Variants in SLC41A2 observed in about 807,000 individuals in gnomAD.
SLC41A2 encodes the protein solute carrier family 41 member 2.
A neutral mutation model predicts 58.3 loss-of-function variants in SLC41A2; 32 were observed. The observed-to-expected ratio is 0.55, with a 90% CI of 0.41 to 0.74. The LOEUF is 0.74. Ranked by LOEUF, SLC41A2 falls within the 30% of genes least tolerant of loss-of-function variation. The probability of loss-of-function intolerance (pLI) is 0.00; values close to 1 mark genes in which losing one functional copy is unlikely to be tolerated. For synonymous variants in SLC41A2, 190 were observed against 235.0 expected (o/e 0.81, Z 1.75); for missense variants, 514 against 680.6 (o/e 0.76, Z 2.72).
At chr12:104,941,705 C>A (rs1377562806) in intron 1 of SLC41A2, among the ~76,000 whole-genome samples, 3 of 152,182 alleles carry the variant, frequency 2.0e-5, no homozygotes, top group African/African-American at 7.2e-5. Flanking sequence ...TAGATTATAT[C>A]TAGCTCCTAT....
intron 1 of SLC41A2, among the ~76,000 whole-genome samples, chr12:104,930,839 T>C (rs879660649): frequency 1.3e-5 from 2 of 152,212 alleles, no homozygotes; most frequent in Non-Finnish European, 2.9e-5. Context: ...AGATCAGTCA[T>C]CTCGCAGAAT....
In SLC41A2 at chr12:104,857,079, A is replaced by T. The variant is rs538452409; in HGVS notation, c.1255+4212T>A. ...AAAAGTAAAACGTATTTCAAAAAAG[A>T]GTACATAAGTAAAACGTATTTCAAA... On this transcript the variant is annotated intron_variant, in intron 8 of 10. Coordinates refer to ENST00000258538, the MANE Select transcript of SLC41A2 (RefSeq NM_001352171.3). 5.3e-5 allele frequency among the ~76,000 whole-genome samples: 8 copies of T among 152,212 alleles called. No homozygotes were observed. The East Asian group carries it at 1.4e-3, about 26-fold the overall frequency.
At chr12:104,953,542 T>A (rs1187521729) in intron 1 of SLC41A2, among the ~76,000 whole-genome samples, 1 of 152,234 alleles carries the variant, frequency 6.6e-6, no homozygotes, top group Non-Finnish European at 1.5e-5. Flanking sequence ...TTTCTTGGAC[T>A]TGCTGTGCCC....
intron 8 of SLC41A2, among the ~76,000 whole-genome samples, chr12:104,848,917 C>T (rs1448586261): frequency 6.6e-6 from 1 of 152,026 alleles, no homozygotes; most frequent in African/African-American, 2.4e-5. Flanking sequence ...CACACACACA[C>T]ACACACCAAA....
chr12:104,912,183 G>T (rs1484364495), intron 2 of SLC41A2, among the ~76,000 whole-genome samples: 2 of 152,058 alleles, frequency 1.3e-5, no homozygotes, highest in Non-Finnish European at 2.9e-5. Flanking sequence ...GCATATATTT[G>T]GTCTTCAACC....
chr12:104,958,006 T>A (rs1159988286), intron 1 of SLC41A2, 82 bp downstream of exon 1: 1 of 151,406 alleles, frequency 6.6e-6, no homozygotes, highest in Non-Finnish European at 1.5e-5. Flanking sequence ...AGCCCAGGCC[T>A]CTCGGCCCCA....
intron 8 of SLC41A2, among the ~76,000 whole-genome samples, chr12:104,855,606 T>C (rs1414294667): frequency 6.6e-6 from 1 of 152,194 alleles, no homozygotes; most frequent in Non-Finnish European, 1.5e-5. Flanking sequence ...TGTACTTTCA[T>C]TTATCTAGTC....
chr12:104,810,552 A>C (rs1450898760), intron 10 of SLC41A2, among the ~76,000 whole-genome samples: 1 of 152,190 alleles, frequency 6.6e-6, no homozygotes, highest in Non-Finnish European at 1.5e-5. Flanking sequence ...AAGGTTGGCA[A>C]ACTACAGCCC....
intron 8 of SLC41A2, among the ~76,000 whole-genome samples, chr12:104,851,312 A>C (rs904683878): frequency 1.3e-5 from 2 of 152,154 alleles, no homozygotes; most frequent in Admixed American, 1.3e-4. Flanking sequence ...CAATTCACAG[A>C]CTATTTTGTT....
rs1163631331 is a variant in SLC41A2, at chr12:104,886,415, A to G, written c.905T>C (p.Val302Ala). The change falls in exon 6 of 11, where the codon GTT becomes GCT. Residue 302 changes from valine (V) to alanine (A), a missense_variant. Around this residue, in one of 3 missense-constraint regions of SLC41A2, gnomAD observed 336 missense variants for 430.0 expected, o/e 0.78. Transcript: ENST00000258538. The stretch of plus-strand genomic sequence containing the variant: ...ATTTATACCAGTCTTCTTTGAACCA[A>G]CGATAACCCCAACCATTATTATTCC... ...LQGIIMVGVI[V>A]GSKKTGINPD... 3 of 1,613,406 alleles carry G rather than the reference A, an allele frequency of 1.9e-6. No homozygotes were observed. The highest frequency in any genetic ancestry group is 2.5e-6 in the Non-Finnish European group (3 of 1,179,454).
chr12:104,940,666 C>T (rs1167960804), intron 1 of SLC41A2, among the ~76,000 whole-genome samples: 1 of 151,172 alleles, frequency 6.6e-6, no homozygotes, highest in East Asian at 1.9e-4. Context: ...ACCTATAATC[C>T]CAGCACTTTG....
intron 1 of SLC41A2, among the ~76,000 whole-genome samples, chr12:104,937,991 A>T (rs2047349997): frequency 6.6e-6 from 1 of 152,228 alleles, no homozygotes; most frequent in Non-Finnish European, 1.5e-5. Flanking sequence ...CAAAACTGAG[A>T]GGCATGTGCC....
At chr12:104,819,692 C>G (rs923505259) in intron 10 of SLC41A2, among the ~76,000 whole-genome samples, 3 of 152,176 alleles carry the variant, frequency 2.0e-5, no homozygotes, top group African/African-American at 7.2e-5. Flanking sequence ...GTCTTTCTTA[C>G]AGAGAGAGAA....
chr12:104,950,706 A>C (rs1467070181), intron 1 of SLC41A2, among the ~76,000 whole-genome samples: 1 of 152,182 alleles, frequency 6.6e-6, no homozygotes, highest in Non-Finnish European at 1.5e-5. Flanking sequence ...ATTTAAATTA[A>C]ACCCTATGTG....
intron 2 of SLC41A2, among the ~76,000 whole-genome samples, chr12:104,925,795 T>A (rs1277688943): frequency 3.3e-5 from 5 of 152,182 alleles, no homozygotes; most frequent in African/African-American, 1.2e-4. Flanking sequence ...GTCCTATAGA[T>A]GTTACCATTC....
intron 7 of SLC41A2, among the ~76,000 whole-genome samples, 189 bp downstream of exon 7, chr12:104,866,243 T>G (rs1056183783): frequency 3.9e-5 from 6 of 152,108 alleles, no homozygotes; most frequent in Non-Finnish European, 5.9e-5. Context: ...GTCATTTAGA[T>G]CCCTTGTTAT....
chr12:104,810,476 TATATG>T (rs1334009303), intron 10 of SLC41A2, among the ~76,000 whole-genome samples: 3 of 152,190 alleles, frequency 2.0e-5, no homozygotes, highest in Admixed American at 6.5e-5. Flanking sequence ...ATTTATATAT[TATATG>T]ATACATACAC....
chr12:104,837,499 G>T (rs1264074059), intron 10 of SLC41A2, among the ~76,000 whole-genome samples: 1 of 152,194 alleles, frequency 6.6e-6, no homozygotes, highest in Non-Finnish European at 1.5e-5. Flanking sequence ...TTTGGGATGT[G>T]TTGAGTGTGA....
chr12:104,941,374 T>TAAC (rs1449110080), intron 1 of SLC41A2, among the ~76,000 whole-genome samples: 1 of 151,870 alleles, frequency 6.6e-6, no homozygotes, highest in African/African-American at 2.4e-5. Context: ...TACAGAATAA[T>TAAC]GGATCCATTG....
Sources: allele counts gnomAD v4.1 joint callset (sites outside exome capture counted in the v4.1 genomes callset), GRCh38; gene constraint gnomAD v4.1.1; regional missense constraint gnomAD v4.1.1; transcripts MANE v1.5; gene names NCBI Gene and HGNC (gene_info 2026-07-23, HGNC 2026-07-21).